SLC9B2: variants seen among roughly 807,000 people sequenced by gnomAD.
SLC9B2 encodes the protein sodium/hydrogen exchanger 9B2.
SLC9B2 carries 39 observed loss-of-function variants against 52.2 expected under a neutral mutation model. The observed-to-expected ratio is 0.75, with a 90% CI of 0.58 to 0.98. The LOEUF is 0.98. SLC9B2 is among the 50% of genes least tolerant of loss of function. SLC9B2 has a pLI of 0.00. For missense variants in SLC9B2, 626 were observed against 637.5 expected (o/e 0.98, Z 0.19); for synonymous variants, 214 against 227.0 (o/e 0.94, Z 0.51).
At position 103,045,004 on chromosome 4, in the gene SLC9B2, A is replaced by T. The variant is rs1175105155; in HGVS notation, c.890-8T>A. The T allele has an allele frequency of 6.3e-7, 1 of 1,592,746 alleles. No individual in the cohort carries two copies. Among genetic ancestry groups the T allele is most frequent in the Admixed American group, 1.7e-5 (1 of 59,156 alleles). ...CATTAAAGACAGTAGAGCCTGAAAAATATATTAAAAAAACTTAGAGCTCTA... is the reference window on the plus strand; with the variant it reads ...CATTAAAGACAGTAGAGCCTGAAAATTATATTAAAAAAACTTAGAGCTCTA... On this transcript the variant is annotated splice_region_variant and splice_polypyrimidine_tract_variant and intron_variant, in intron 7 of 11. Transcript: ENST00000394785.
At chr4:103,074,497 T>A (rs1043340996) in intron 1 of SLC9B2, among the ~76,000 whole-genome samples, 2 of 152,202 alleles carry the variant, frequency 1.3e-5, no homozygotes, top group African/African-American at 4.8e-5. Context: ...CTTGTTACAG[T>A]GCAAAATCAT....
At chr4:103,051,878 TA>T (rs1744718469) in intron 4 of SLC9B2, among the ~76,000 whole-genome samples, 1 of 152,200 alleles carries the variant, frequency 6.6e-6, no homozygotes, top group South Asian at 2.1e-4. Flanking sequence ...GAAGCACATA[TA>T]TATTTGCTTT....
At chr4:103,063,579 A>C (rs1343779276) in intron 3 of SLC9B2, among the ~76,000 whole-genome samples, 1 of 152,158 alleles carries the variant, frequency 6.6e-6, no homozygotes. Flanking sequence ...GTAAGACATA[A>C]AATTATGAAA....
At position 103,026,477 on chromosome 4, in the gene SLC9B2, G is replaced by A; in HGVS notation, c.1507C>T (p.Pro503Ser). 6.2e-7 allele frequency: 1 copy of A among 1,613,792 alleles called. No individual in the cohort carries two copies. Among genetic ancestry groups the A allele is most frequent in the Non-Finnish European group, 8.5e-7 (1 of 1,179,858 alleles). Residue 503 changes from proline (P) to serine (S), a missense_variant, in exon 12 of 12, where the codon CCA becomes TCA. Pro to Ser is a moderately conservative substitution (Grantham distance 74, BLOSUM62 -1). Transcript: ENST00000394785. ...AAACCAATAAGCAGACTTCCAATTGGGGCTGTGATGAGGATGGACAAAAAT... is the reference window on the plus strand; with the variant it reads ...AAACCAATAAGCAGACTTCCAATTGAGGCTGTGATGAGGATGGACAAAAAT... ...VAFLSILITA[P>S]IGSLLIGLLG...
At chr4:103,048,003 T>A (rs1401296296) in intron 6 of SLC9B2, among the ~76,000 whole-genome samples, 1 of 152,076 alleles carries the variant, frequency 6.6e-6, no homozygotes, top group Non-Finnish European at 1.5e-5. Flanking sequence ...AACAAAAAAA[T>A]TCATGTTATA....
chr4:103,019,148 C>T (rs1019437842), downstream of SLC9B2, among the ~76,000 whole-genome samples: 3 of 151,670 alleles, frequency 2.0e-5, no homozygotes, highest in East Asian at 1.9e-4. Context: ...GATTAAGGGG[C>T]GTGGATGTGG....
rs974175217 is a variant in SLC9B2 at position 103,025,064 on chromosome 4, C to T, written c.*1306G>A. Among the ~76,000 whole-genome samples, 1 of 152,188 alleles carries T rather than the reference C, an allele frequency of 6.6e-6. No individual in the cohort carries two copies. The highest frequency in any genetic ancestry group is 2.4e-5 in the African/African-American group (1 of 41,446). On this transcript the variant is annotated 3_prime_UTR_variant, in exon 12 of 12. Transcript: ENST00000394785. ...GCCCCGAAAATCTGATGTTCCGTTCCTCCTAGGAGTGTGAATGCTTAGCTA... is the reference window on the plus strand; with the variant it reads ...GCCCCGAAAATCTGATGTTCCGTTCTTCCTAGGAGTGTGAATGCTTAGCTA...
rs1045030486 is a variant in SLC9B2, at chr4:103,022,863, T to G, written c.*3507A>C. Among the ~76,000 whole-genome samples, 4 of 151,970 alleles carry G rather than the reference T, an allele frequency of 2.6e-5. No individual in the cohort carries two copies. The highest frequency in any genetic ancestry group is 9.7e-5 in the African/African-American group (4 of 41,352). ...TAGGGCCCTCATGCTGTGATTAGAG[T>G]ACCCTTATAAGAAGAGACACCAGAG... is the stretch of plus-strand genomic sequence containing the variant. On this transcript the variant is annotated 3_prime_UTR_variant, in exon 12 of 12. Transcript: ENST00000394785.
At chr4:103,031,067 G>A (rs987305936) in intron 10 of SLC9B2, among the ~76,000 whole-genome samples, 2 of 152,012 alleles carry the variant, frequency 1.3e-5, no homozygotes, top group Non-Finnish European at 2.9e-5. Context: ...AGAAAATTGC[G>A]ACATGGATAT....
At chr4:103,042,882 G>C (rs1413951763) in intron 9 of SLC9B2, among the ~76,000 whole-genome samples, 3 of 149,920 alleles carry the variant, frequency 2.0e-5, no homozygotes, top group East Asian at 3.9e-4. Flanking sequence ...TCGTTTAATT[G>C]GCACTATTTT....
chr4:103,044,135 A>G (rs918989033), intron 8 of SLC9B2, among the ~76,000 whole-genome samples: 13 of 152,174 alleles, frequency 8.5e-5, no homozygotes, highest in Non-Finnish European at 4.4e-5. Flanking sequence ...TCTGAAGGTG[A>G]ATTACCTGAG....
chr4:103,019,749 G>A (rs1741658629), downstream of SLC9B2: 4 of 985,494 alleles, frequency 4.1e-6, no homozygotes, highest in South Asian at 1.9e-4. Context: ...CGAGGAGGCG[G>A]CAGCGCGTTT....
chr4:103,069,456 C>A (rs1746428965), intron 1 of SLC9B2, among the ~76,000 whole-genome samples: 1 of 152,216 alleles, frequency 6.6e-6, no homozygotes, highest in Non-Finnish European at 1.5e-5. Flanking sequence ...TGATTAGTTT[C>A]TTATTTATGA....
intron 4 of SLC9B2, among the ~76,000 whole-genome samples, chr4:103,052,712 G>A (rs1234989011): frequency 1.3e-5 from 2 of 151,530 alleles, no homozygotes; most frequent in Non-Finnish European, 2.9e-5. Flanking sequence ...GATATGAGGG[G>A]ACATTTTTTT....
intron 3 of SLC9B2, among the ~76,000 whole-genome samples, chr4:103,065,946 T>C (rs1260530262): frequency 6.6e-6 from 1 of 152,232 alleles, no homozygotes; most frequent in Non-Finnish European, 1.5e-5. Flanking sequence ...AATGGGGCTG[T>C]GTTTGCTAAA....
intron 2 of SLC9B2, 27 bp downstream of exon 2, chr4:103,067,434 C>T: frequency 6.3e-7 from 1 of 1,588,528 alleles, no homozygotes; most frequent in Non-Finnish European, 8.6e-7. Context: ...ATGAAGAAAA[C>T]ACAATTCTAT....
downstream of SLC9B2, chr4:103,019,736 G>GGGCGA (rs759589900): frequency 1.4e-5 from 14 of 985,620 alleles, no homozygotes; most frequent in Non-Finnish European, 1.7e-5. Context: ...GGGCGGGGCG[G>GGGCGA]GGCGAGGAGG....
chr4:103,027,594 C>T (rs1342609527), intron 11 of SLC9B2, among the ~76,000 whole-genome samples: 2 of 151,976 alleles, frequency 1.3e-5, no homozygotes, highest in South Asian at 2.1e-4. Flanking sequence ...TCCCTTATTC[C>T]ACAGAGAACA....
At position 103,043,325 on chromosome 4, in the gene SLC9B2, G is replaced by T. The variant is rs1273440450; in HGVS notation, c.1117C>A (p.Leu373Ile). 3.7e-6 allele frequency: 6 copies of T among 1,611,926 alleles called. No individual in the cohort carries two copies. The highest frequency in any genetic ancestry group is 2.7e-5 in the African/African-American group (2 of 74,828). The change falls in exon 9 of 12, where the codon CTT (leucine) becomes ATT (isoleucine). Residue 373 changes from leucine to isoleucine, a missense_variant. Coordinates refer to ENST00000394785, the MANE Select transcript of SLC9B2 (RefSeq NM_178833.7). ...GGLCTLVMAF[L>I]AGMGWTSEKA... ...TCGCTGGTCCATCCCATGCCTGCAAGGAAAGCCATGACCAACGTGCACAGT... is the reference window on the plus strand; with the variant it reads ...TCGCTGGTCCATCCCATGCCTGCAATGAAAGCCATGACCAACGTGCACAGT...
Sources: allele counts gnomAD v4.1 joint callset (sites outside exome capture counted in the v4.1 genomes callset), GRCh38; gene constraint gnomAD v4.1.1; transcripts MANE v1.5; gene names NCBI Gene and HGNC (gene_info 2026-07-23, HGNC 2026-07-21).